Variants in CSRP1 observed in about 807,000 individuals in gnomAD.
CSRP1 encodes cysteine and glycine rich protein 1, also known as cysteine and glycine-rich protein 1.
Under a neutral mutation model 25.4 loss-of-function variants are expected in CSRP1, and 16 were observed. The ratio of observed to expected loss-of-function variants is 0.63; its 90% CI spans 0.43 to 0.96. The LOEUF is 0.96. Ranked by LOEUF, CSRP1 falls within the 40% of genes least tolerant of loss-of-function variation. The pLI is 0.00. For synonymous variants in CSRP1, 97 were observed against 95.3 expected (o/e 1.02, Z -0.10); for missense variants, 212 against 243.6 (o/e 0.87, Z 0.86).
rs1664049460 is a variant in CSRP1, at chr1:201,483,952, G to C, written c.*761C>G. 1 of 680,096 alleles carries C rather than the reference G, an allele frequency of 1.5e-6. No individual in the cohort carries two copies. The highest frequency in any genetic ancestry group is 1.5e-5 in the South Asian group (1 of 66,606). The allele number at this position is 680,096 out of a possible 1,614,324, so 42.1% of individuals were successfully genotyped here. A position where few individuals can be genotyped will look rare whatever the true frequency, so the allele number is the denominator to read the frequency against. ...AGGCCAGAGATAAATGAAGATTTGA[G>C]CCATTGATAAATGCCAATATATGTT... On this transcript the variant is annotated 3_prime_UTR_variant, in exon 6 of 6. Coordinates refer to ENST00000340006, the MANE Select transcript of CSRP1 (RefSeq NM_004078.3).
chr1:201,504,194 T>C (rs1399473554), intron 1 of CSRP1, among the ~76,000 whole-genome samples: 2 of 152,208 alleles, frequency 1.3e-5, no homozygotes, highest in Non-Finnish European at 2.9e-5. Flanking sequence ...TATGTTTGAA[T>C]GGCAGCTCCA....
chr1:201,505,218 G>A (rs1664787539), intron 1 of CSRP1, among the ~76,000 whole-genome samples: 2 of 152,106 alleles, frequency 1.3e-5, no homozygotes, highest in African/African-American at 4.8e-5. Context: ...TGAGTATCCC[G>A]TAGGCCAACT....
At chr1:201,489,749 A>G (rs895319633) in intron 3 of CSRP1, 3 of 158,384 alleles carry the variant, frequency 1.9e-5, no homozygotes, top group African/African-American at 7.2e-5. Flanking sequence ...ACATGCCTGT[A>G]CTCCCAGCTA....
chr1:201,485,900 T>G (rs967700470), intron 4 of CSRP1: 2 of 153,246 alleles, frequency 1.3e-5, no homozygotes, highest in Non-Finnish European at 2.9e-5. Flanking sequence ...CCTGCTGAGT[T>G]TAATGCATTT....
At chr1:201,497,493 T>C (rs536262007) in intron 1 of CSRP1, among the ~76,000 whole-genome samples, 5 of 151,392 alleles carry the variant, frequency 3.3e-5, no homozygotes, top group Non-Finnish European at 5.9e-5. Flanking sequence ...CCTCTGAGAA[T>C]GAGATACTTG....
rs537147870 is a variant in CSRP1 at position 201,487,131 on chromosome 1, G to A, written c.411+1724C>T. On this transcript the variant is annotated intron_variant, in intron 4 of 5. Coordinates refer to ENST00000340006, the MANE Select transcript of CSRP1 (RefSeq NM_004078.3). ...ATTTAATCATTAAAACTGCCTTGTT[G>A]TTGGGTGTGGTAGCTCACACCTGTA... 5 of 551,578 alleles carry A rather than the reference G, an allele frequency of 9.1e-6. 1 individual carries two copies. The highest frequency in any genetic ancestry group is 7.8e-5 in the South Asian group (4 of 51,494). 34.2% of individuals were successfully genotyped at this position (551,578 alleles called of 1,614,324 possible).
rs148980500 is a variant in CSRP1 at position 201,499,183 on chromosome 1, G to A, written c.-1-2879C>T. Among the ~76,000 whole-genome samples the A allele has an allele frequency of 3.6e-3, 551 of 152,302 alleles. 3 individuals carry two copies. Among genetic ancestry groups the A allele is most frequent in the Middle Eastern group, 0.027 (8 of 294 alleles). On this transcript the variant is annotated intron_variant, in intron 1 of 5. Transcript: ENST00000340006. ...AAGCAAAGGTTTGGAGCTGAAAACC[G>A]TACGATGTGAAGGACAGTTAGACAG...
intron 1 of CSRP1, among the ~76,000 whole-genome samples, chr1:201,500,933 G>A (rs1664652934): frequency 6.6e-6 from 1 of 152,240 alleles, no homozygotes. Flanking sequence ...GCTGGGACAA[G>A]AGAAGTTCCC....
intron 1 of CSRP1, 37 bp from the exon 2 acceptor site, chr1:201,496,341 G>C (rs768641420): frequency 6.7e-7 from 1 of 1,484,262 alleles, no homozygotes; most frequent in African/African-American, 1.4e-5. Flanking sequence ...TAATTTTACA[G>C]GGAGATGGAA....
rs764047961 is a variant in CSRP1 at position 201,484,710 on chromosome 1, G to A, written c.*3C>T. On this transcript the variant is annotated 3_prime_UTR_variant, in exon 6 of 6. Transcript: ENST00000340006. Reference sequence around the variant, plus strand: ...GGGCAGGGTGTGGTGGGTGATGGTGGCCTCACTCAGAGTGGACCAAGGCCC... The same window carrying A: ...GGGCAGGGTGTGGTGGGTGATGGTGACCTCACTCAGAGTGGACCAAGGCCC... 5 of 1,609,634 alleles carry A rather than the reference G, an allele frequency of 3.1e-6. No homozygotes were observed. The South Asian group carries it at 5.6e-5, about 18-fold the overall frequency.
intron 5 of CSRP1, among the ~76,000 whole-genome samples, chr1:201,485,069 C>T (rs1253099579): frequency 1.3e-5 from 2 of 151,982 alleles, no homozygotes; most frequent in Non-Finnish European, 2.9e-5. Flanking sequence ...CAGGGTCTAG[C>T]CCTATGCCTG....
At chr1:201,493,654 G>A (rs1256599504) in intron 2 of CSRP1, among the ~76,000 whole-genome samples, 1 of 152,218 alleles carries the variant, frequency 6.6e-6, no homozygotes, top group Non-Finnish European at 1.5e-5. Context: ...AGGTGGGCAA[G>A]CTGAGTAGAA....
At position 201,491,646 on chromosome 1, in the gene CSRP1, C is replaced by T. The variant is rs377119588; in HGVS notation, c.113-1302G>A. 7 of 152,230 alleles carry T rather than the reference C, an allele frequency of 4.6e-5. No individual in the cohort carries two copies. In the East Asian group the frequency reaches 9.6e-4, roughly 21 times the overall value. The allele number at this position is 152,230 out of a possible 1,614,324, so 9.4% of individuals were successfully genotyped here. ...AGCTTCAAGAGATCATTGCTTCTAA[C>T]TTTCACATACTCCTCTCAAGAGATT... On this transcript the variant is annotated intron_variant, in intron 2 of 5. Transcript: ENST00000340006.
chr1:201,487,980 T>A (rs1664199071), intron 4 of CSRP1: 1 of 152,182 alleles, frequency 6.6e-6, no homozygotes, highest in Non-Finnish European at 1.5e-5. Flanking sequence ...AAAACCTGAA[T>A]CCAGAAGAGA....
chr1:201,484,781 C>G lies in CSRP1; in HGVS notation c.514G>C (p.Ala172Pro). ...AAGCCCTTGGGCCCGAAGTTTTTAG[C>G]ATAACATCCTGCAGAGAGAGGAGAG... ...DGEIYCKGCY[A>P]KNFGPKGFGF... The change falls in exon 6 of 6, where the codon GCT (alanine) becomes CCT (proline). Residue 172 changes from alanine (A) to proline (P), a missense_variant. Transcript: ENST00000340006. 6.2e-7 allele frequency: 1 copy of G among 1,611,510 alleles called. No homozygotes were observed. The highest frequency in any genetic ancestry group is 8.5e-7 in the Non-Finnish European group (1 of 1,179,516).
chr1:201,484,848 C>A, intron 5 of CSRP1, 59 bp from the exon 6 acceptor site: 1 of 1,463,380 alleles, frequency 6.8e-7, no homozygotes, highest in South Asian at 1.2e-5. Context: ...CCACACCACC[C>A]ACCCTCCTGC....
chr1:201,484,857 G>A, intron 5 of CSRP1, 68 bp from the exon 6 acceptor site: 2 of 1,399,912 alleles, frequency 1.4e-6, no homozygotes, highest in Non-Finnish European at 2.0e-6. Context: ...CCACCCTCCT[G>A]CTGAAGATCC....
At chr1:201,487,053 C>G (rs1037244595) in intron 4 of CSRP1, 1 of 1,167,732 alleles carries the variant, frequency 8.6e-7, no homozygotes, top group Admixed American at 2.3e-5. Context: ...AATAGCAAAA[C>G]TGTACTGAGG....
intron 4 of CSRP1, chr1:201,487,835 G>A (rs931193979): frequency 1.3e-5 from 2 of 152,090 alleles, no homozygotes; most frequent in Non-Finnish European, 2.9e-5. Context: ...TGTACAACAG[G>A]GATACTAATC....
Sources: gnomAD v4.1 joint callset for allele counts (sites outside exome capture counted in the v4.1 genomes callset) on GRCh38, gnomAD v4.1.1 for gene constraint, MANE v1.5 for transcripts, NCBI Gene and HGNC (gene_info 2026-07-23, HGNC 2026-07-21) for gene names.